FNDC1: variants seen among roughly 807,000 people sequenced by gnomAD.
FNDC1 encodes fibronectin type III domain-containing protein 1.
FNDC1 carries 96 observed loss-of-function variants against 168.0 expected under a neutral mutation model. The ratio of observed to expected loss-of-function variants is 0.57; its 90% CI spans 0.48 to 0.68. The LOEUF is 0.68. Among genes scored for constraint, FNDC1 ranks in the 30% least tolerant of loss-of-function variants. The pLI is 0.00. For synonymous variants in FNDC1, 1,099 were observed against 1,025.9 expected (o/e 1.07, Z -1.36); for missense variants, 2,587 against 2,482.1 (o/e 1.04, Z -0.90).
intron 18 of FNDC1, 105 bp from the exon 19 acceptor site, chr6:159,261,085 C>A: frequency 1.2e-6 from 1 of 804,500 alleles, no homozygotes; most frequent in Non-Finnish European, 2.1e-6. Flanking sequence ...AAAAGTAGAA[C>A]TCAAAGCCTG....
In FNDC1 at chr6:159,232,183, A is replaced by T; in HGVS notation, c.1671A>T (p.Ser557=). Residue 557 remains serine (S), a synonymous_variant, in exon 11 of 23, where the codon TCA becomes TCT. Transcript: ENST00000297267. The surrounding 1 kb of genome is among the most constrained non-coding windows in gnomAD (Gnocchi z 4.9). The part of the protein sequence containing the change: ...GSREDSPMSP[S]DTQDQKRTLR... ...GGGAGGACTCGCCCATGTCACCCTCAGACACCCAAGACCAGAAACGGACCC... is the reference window on the plus strand; with the variant it reads ...GGGAGGACTCGCCCATGTCACCCTCTGACACCCAAGACCAGAAACGGACCC... 1 of 1,613,730 alleles carries T rather than the reference A, an allele frequency of 6.2e-7. No individual in the cohort carries two copies. Among genetic ancestry groups the T allele is most frequent in the Non-Finnish European group, 8.5e-7 (1 of 1,179,796 alleles).
intron 4 of FNDC1, among the ~76,000 whole-genome samples, chr6:159,210,131 G>A (rs966769996): frequency 7.2e-5 from 11 of 152,224 alleles, no homozygotes; most frequent in African/African-American, 1.9e-4. Context: ...TTGCCAGGGC[G>A]TCCTGGTGCT....
At chr6:159,247,232 C>G (rs559770596) in intron 15 of FNDC1, among the ~76,000 whole-genome samples, 2 of 152,172 alleles carry the variant, frequency 1.3e-5, no homozygotes, top group African/African-American at 2.4e-5. Flanking sequence ...CGTTCCCTCC[C>G]TCCCCACCCT....
In FNDC1 at chr6:159,232,236, C is replaced by T. The variant is rs772744362; in HGVS notation, c.1724C>T (p.Ser575Leu). The change falls in exon 11 of 23, where the codon TCG (serine) becomes TTG (leucine). Residue 575 changes from serine to leucine, a missense_variant. By Grantham distance (145) the Ser-to-Leu change is moderately radical. Transcript: ENST00000297267. The surrounding 1 kb of genome is among the most constrained non-coding windows in gnomAD (Gnocchi z 4.9). ...AGGCCGCCAAGTAGACACGGCCACTCGGTGGTTGCTCCCGGCAGGACTGCA... is the reference window on the plus strand; with the variant it reads ...AGGCCGCCAAGTAGACACGGCCACTTGGTGGTTGCTCCCGGCAGGACTGCA... ...TLRPPSRHGH[S>L]VVAPGRTAVR... is the part of the protein sequence containing the mutation. 6.2e-7 allele frequency: 1 copy of T among 1,612,080 alleles called. No homozygotes were observed. Among genetic ancestry groups the T allele is most frequent in the Non-Finnish European group, 8.5e-7 (1 of 1,179,104 alleles).
At chr6:159,229,635 G>A (rs550015542) in intron 9 of FNDC1, among the ~76,000 whole-genome samples, 180 bp from the exon 10 acceptor site, 3 of 152,196 alleles carry the variant, frequency 2.0e-5, no homozygotes, top group Non-Finnish European at 4.4e-5. Flanking sequence ...GTGGTTGCCC[G>A]AATGAATGTG....
intron 5 of FNDC1, chr6:159,218,205 G>A (rs1427491630): frequency 6.6e-6 from 1 of 152,214 alleles, no homozygotes; most frequent in Non-Finnish European, 1.5e-5. Flanking sequence ...TATTTCTTCA[G>A]TGGTGAACTG....
intron 14 of FNDC1, among the ~76,000 whole-genome samples, chr6:159,241,471 T>C (rs1783419171): frequency 6.6e-6 from 1 of 152,316 alleles, no homozygotes; most frequent in African/African-American, 2.4e-5. Flanking sequence ...AATCATAACA[T>C]ATATATGTTC....
At chr6:159,262,149 G>T (rs1777500388) in intron 19 of FNDC1, among the ~76,000 whole-genome samples, 1 of 152,118 alleles carries the variant, frequency 6.6e-6, no homozygotes. Context: ...TGTAGCACAT[G>T]CAGAGCCAGC....
chr6:159,190,100 A>C (rs1432091528), intron 1 of FNDC1, among the ~76,000 whole-genome samples: 2 of 152,186 alleles, frequency 1.3e-5, no homozygotes, highest in Non-Finnish European at 2.9e-5. Context: ...ATGGCAGGTT[A>C]CTGATGAATC....
In FNDC1 at chr6:159,183,879, CAT is replaced by C. The variant is rs200315737; in HGVS notation, c.110-13551_110-13550del. ...ACAAGATCCATTCAGGGCACGAGCT[CAT>C]GTGTCCTTATGAATTCAGCTGCCAC... On this transcript the variant is annotated intron_variant, in intron 1 of 22. Coordinates refer to ENST00000297267, the MANE Select transcript of FNDC1 (RefSeq NM_032532.3). 7.4e-4 allele frequency among the ~76,000 whole-genome samples: 113 copies of C among 152,346 alleles called. 1 individual carries two copies. In the East Asian group the frequency reaches 0.019, roughly 25 times the overall value.
rs578081132 is a variant in FNDC1 at position 159,210,691 on chromosome 6, G to A, written c.461-4254G>A. On this transcript the variant is annotated intron_variant, in intron 4 of 22. Coordinates refer to ENST00000297267, the MANE Select transcript of FNDC1 (RefSeq NM_032532.3). ...TGTGGTGGATGCAGGCTCGGGTGGC[G>A]TTTGCTGGAGCTCACCAACTTTGGA... Among the ~76,000 whole-genome samples, 19 of 152,280 alleles carry A rather than the reference G, an allele frequency of 1.2e-4. No individual in the cohort carries two copies. The East Asian group carries it at 2.1e-3, about 17-fold the overall frequency.
At chr6:159,254,949 A>G (rs1304727647) in intron 17 of FNDC1, among the ~76,000 whole-genome samples, 1 of 152,068 alleles carries the variant, frequency 6.6e-6, no homozygotes, top group Admixed American at 6.5e-5. Context: ...ATTTCTCTCC[A>G]TTAGATGCTG....
chr6:159,222,751 C>G (rs1463805947), intron 6 of FNDC1, among the ~76,000 whole-genome samples: 1 of 152,206 alleles, frequency 6.6e-6, no homozygotes, highest in Non-Finnish European at 1.5e-5. Flanking sequence ...GTGAATCTTG[C>G]AGTTGTTTGA....
chr6:159,232,369 T>G lies in FNDC1; in HGVS notation c.1857T>G (p.Ser619=). Residue 619 remains serine (S), a synonymous_variant, in exon 11 of 23, where the codon TCT becomes TCG. Transcript: ENST00000297267. The surrounding 1 kb of genome is among the most constrained non-coding windows in gnomAD (Gnocchi z 4.9). ...RPGAPPSASA[S]PAHHASTQGT... ...GGGCGCCCCCCTCGGCTTCGGCCTC[T>G]CCTGCCCACCACGCGTCCACCCAGG... 6.2e-7 allele frequency: 1 copy of G among 1,613,574 alleles called. No individual in the cohort carries two copies. Among genetic ancestry groups the G allele is most frequent in the African/African-American group, 1.3e-5 (1 of 75,048 alleles).
At chr6:159,186,856 T>C (rs1195907168) in intron 1 of FNDC1, among the ~76,000 whole-genome samples, 3 of 152,244 alleles carry the variant, frequency 2.0e-5, no homozygotes, top group Non-Finnish European at 4.4e-5. Flanking sequence ...TTCTTTGAGA[T>C]GATGAAGAAA....
chr6:159,208,885 T>C (rs1782541558), intron 4 of FNDC1, among the ~76,000 whole-genome samples: 1 of 147,008 alleles, frequency 6.8e-6, no homozygotes, highest in South Asian at 2.2e-4. Context: ...CTCGCTCTTC[T>C]CGCCCAGGCT....
At chr6:159,222,191 C>T (rs1427664064) in intron 6 of FNDC1, among the ~76,000 whole-genome samples, 1 of 152,186 alleles carries the variant, frequency 6.6e-6, no homozygotes, top group East Asian at 1.9e-4. Flanking sequence ...TTCCCACGTC[C>T]CTTCACAGGC....
At chr6:159,253,007 T>G (rs1777300842) in intron 17 of FNDC1, among the ~76,000 whole-genome samples, 1 of 152,166 alleles carries the variant, frequency 6.6e-6, no homozygotes, top group East Asian at 1.9e-4. Context: ...TTAGATGTGA[T>G]TTCTGTATTG....
In FNDC1 at chr6:159,232,417, G is replaced by A. The variant is rs1198871324; in HGVS notation, c.1905G>A (p.Leu635=). The part of the protein sequence containing the change: ...STQGTSHRPS[L]PASLNDNDLV... ...AGGGCACCTCTCATCGTCCTTCCCT[G>A]CCTGCCAGCTTGAATGACAACGACT... Residue 635 remains leucine (L), a synonymous_variant, in exon 11 of 23, where the codon CTG becomes CTA. Coordinates refer to ENST00000297267, the MANE Select transcript of FNDC1 (RefSeq NM_032532.3). This position sits in a 1 kb window ranked among gnomAD's most constrained non-coding sequence, Gnocchi z 4.9. 2.5e-6 allele frequency: 4 copies of A among 1,612,016 alleles called. No individual in the cohort carries two copies. The Admixed American group carries it at 6.7e-5, about 27-fold the overall frequency.
Sources: allele counts gnomAD v4.1 joint callset (sites outside exome capture counted in the v4.1 genomes callset), GRCh38; gene constraint gnomAD v4.1.1; non-coding constraint Gnocchi (gnomAD v3.1); transcripts MANE v1.5; gene names NCBI Gene and HGNC (gene_info 2026-07-23, HGNC 2026-07-21).